The following PRKCA variants were observed in gnomAD, a reference collection of about 807,000 sequenced individuals.
The protein encoded by PRKCA is protein kinase C alpha.
A neutral mutation model predicts 87.0 loss-of-function variants in PRKCA; 27 were observed. The ratio of observed to expected loss-of-function variants is 0.31; its 90% CI spans 0.23 to 0.43. The LOEUF is 0.43. Among genes scored for constraint, PRKCA ranks in the 20% least tolerant of loss-of-function variants. The pLI is 1.00. For missense variants in PRKCA, 518 were observed against 852.3 expected (o/e 0.61, Z 4.88); for synonymous variants, 329 against 311.1 (o/e 1.06, Z -0.61).
intron 5 of PRKCA, among the ~76,000 whole-genome samples, chr17:66,666,885 A>G (rs12450569): frequency 0.053 from 8,084 of 152,042 alleles, 288 homozygotes; most frequent in Admixed American, 0.077. Flanking sequence ...TATATGAAGG[A>G]CCCTTAACTA....
chr17:66,730,083 G>A (rs1973849183), intron 8 of PRKCA, among the ~76,000 whole-genome samples: 2 of 152,142 alleles, frequency 1.3e-5, no homozygotes, highest in Admixed American at 1.3e-4. Flanking sequence ...GAACCACCAT[G>A]TCTGGCCACA....
intron 2 of PRKCA, among the ~76,000 whole-genome samples, chr17:66,321,615 C>T (rs997720735): frequency 5.9e-5 from 9 of 152,164 alleles, no homozygotes; most frequent in Non-Finnish European, 1.3e-4. Flanking sequence ...ATGATCTCTG[C>T]TCACTACAAC....
At chr17:66,735,761 G>A in intron 10 of PRKCA, 99 bp downstream of exon 10, 1 of 1,391,860 alleles carries the variant, frequency 7.2e-7, no homozygotes, top group Non-Finnish European at 9.8e-7. Context: ...GAGAAGGCTG[G>A]AGAAAGGTGT....
At chr17:66,350,356 A>G (rs1598608929) in intron 2 of PRKCA, among the ~76,000 whole-genome samples, 2 of 151,968 alleles carry the variant, frequency 1.3e-5, no homozygotes, top group Non-Finnish European at 2.9e-5. Flanking sequence ...GGGGTCTTTC[A>G]TGTGGGTGTC....
chr17:66,738,922 T>TC lies in PRKCA; in HGVS notation c.1322+67_1322+68insC, dbSNP rs937608621. ...TCCTACCAACTGGAAACTTCCTTTT[T>TC]TCCCCCCCGCTTGAGATTGGGGGTC... On this transcript the variant is annotated intron_variant, in intron 11 of 16. Transcript: ENST00000413366. 4.5e-6 allele frequency: 6 copies of TC among 1,328,980 alleles called. No homozygotes were observed. In the Admixed American group the frequency reaches 5.6e-5, roughly 12 times the overall value. The allele number at this position is 1,328,980 out of a possible 1,614,324, so 82.3% of individuals were successfully genotyped here. A position where few individuals can be genotyped will look rare whatever the true frequency, so the allele number is the denominator to read the frequency against.
intron 3 of PRKCA, among the ~76,000 whole-genome samples, chr17:66,562,138 TATA>T (rs1467396561): frequency 6.5e-3 from 113 of 17,372 alleles, no homozygotes; most frequent in African/African-American, 0.045. Flanking sequence ...ATAATTAAAT[TATA>T]TATATAATTA....
At chr17:66,577,282 G>A (rs542411084) in intron 3 of PRKCA, among the ~76,000 whole-genome samples, 2 of 152,270 alleles carry the variant, frequency 1.3e-5, no homozygotes, top group African/African-American at 4.8e-5. Flanking sequence ...AGAGTCCGGC[G>A]ATGGGGATCT....
At chr17:66,769,805 T>C (rs1974892197) in intron 13 of PRKCA, among the ~76,000 whole-genome samples, 1 of 152,356 alleles carries the variant, frequency 6.6e-6, no homozygotes, top group South Asian at 2.1e-4. Context: ...AAGAAAATCG[T>C]TGGGCTCGTT....
chr17:66,413,942 G>A (rs994242962), intron 2 of PRKCA, among the ~76,000 whole-genome samples: 7 of 151,272 alleles, frequency 4.6e-5, no homozygotes, highest in Non-Finnish European at 7.4e-5. Context: ...TGAACCAGGA[G>A]GCAGAGGTTG....
At chr17:66,608,558 G>C (rs912553655) in intron 3 of PRKCA, among the ~76,000 whole-genome samples, 1 of 152,004 alleles carries the variant, frequency 6.6e-6, no homozygotes, top group Admixed American at 6.6e-5. Flanking sequence ...TACCCTATAC[G>C]ATAGAAATTT....
intron 2 of PRKCA, among the ~76,000 whole-genome samples, chr17:66,327,393 G>T (rs1219140210): frequency 6.6e-6 from 1 of 150,834 alleles, no homozygotes; most frequent in African/African-American, 2.5e-5. Context: ...AAAAATTGCT[G>T]GGTGTGGTGG....
At chr17:66,550,603 C>T (rs1968295826) in intron 3 of PRKCA, among the ~76,000 whole-genome samples, 1 of 151,414 alleles carries the variant, frequency 6.6e-6, no homozygotes, top group South Asian at 2.1e-4. Flanking sequence ...GAACCGAGAT[C>T]GTGCCACTGC....
chr17:66,450,021 G>GT (rs549989665), intron 2 of PRKCA, among the ~76,000 whole-genome samples: 4,656 of 147,562 alleles, frequency 0.032, 231 homozygotes, highest in African/African-American at 0.11. Flanking sequence ...TTTTGTTTTT[G>GT]TTTTTTTTTT....
chr17:66,732,451 T>A (rs373512283), intron 8 of PRKCA, among the ~76,000 whole-genome samples: 15 of 152,366 alleles, frequency 9.8e-5, no homozygotes, highest in Middle Eastern at 3.4e-3. Context: ...CTAGGTTGAC[T>A]GTGTAAAGAG....
At chr17:66,669,324 G>T (rs1385090018) in intron 5 of PRKCA, among the ~76,000 whole-genome samples, 3 of 152,076 alleles carry the variant, frequency 2.0e-5, no homozygotes, top group Admixed American at 1.3e-4. Context: ...CAGCAGAATT[G>T]GCATTGCAGA....
intron 2 of PRKCA, among the ~76,000 whole-genome samples, chr17:66,438,870 A>G (rs1913558723): frequency 6.6e-6 from 1 of 152,156 alleles, no homozygotes; most frequent in Non-Finnish European, 1.5e-5. Flanking sequence ...CCCATGATTC[A>G]ATTATCTCTG....
chr17:66,717,356 T>C (rs1973503838), intron 8 of PRKCA, among the ~76,000 whole-genome samples: 1 of 152,196 alleles, frequency 6.6e-6, no homozygotes. Flanking sequence ...CCACAAATAT[T>C]TACTATCTGG....
intron 14 of PRKCA, among the ~76,000 whole-genome samples, chr17:66,782,164 G>A (rs1373406180): frequency 6.6e-6 from 1 of 151,822 alleles, no homozygotes; most frequent in African/African-American, 2.4e-5. Context: ...TGCCCACCTC[G>A]GCCTCCCAAA....
chr17:66,666,839 C>A (rs1972058085), intron 5 of PRKCA, among the ~76,000 whole-genome samples: 1 of 152,028 alleles, frequency 6.6e-6, no homozygotes, highest in South Asian at 2.1e-4. Context: ...CCCCCCCCCA[C>A]ACACAAATTT....
Sources: gnomAD v4.1 joint callset for allele counts (sites outside exome capture counted in the v4.1 genomes callset) on GRCh38, gnomAD v4.1.1 for gene constraint, MANE v1.5 for transcripts, NCBI Gene and HGNC (gene_info 2026-07-23, HGNC 2026-07-21) for gene names.